Variants in ZNF354C observed in about 807,000 individuals in gnomAD.
The protein encoded by ZNF354C is KRAB-zinc finger protein synten.
A neutral mutation model predicts 12.4 loss-of-function variants in ZNF354C; 7 were observed. That is an observed-to-expected ratio of 0.56 (90% CI 0.32 to 1.06). The LOEUF (loss-of-function observed/expected upper bound fraction) is 1.06, where lower values mean the gene tolerates loss of function less well. Among genes scored for constraint, ZNF354C ranks in the 50% least tolerant of loss-of-function variants. The probability of loss-of-function intolerance (pLI) is 0.04; values close to 1 mark genes in which losing one functional copy is unlikely to be tolerated. For missense variants in ZNF354C, 609 were observed against 658.0 expected (o/e 0.93, Z 0.81); for synonymous variants, 202 against 224.5 (o/e 0.90, Z 0.90).
intron 2 of ZNF354C, among the ~76,000 whole-genome samples, chr5:179,067,764 C>T (rs1484517357): frequency 6.6e-6 from 1 of 152,134 alleles, no homozygotes; most frequent in Non-Finnish European, 1.5e-5. Flanking sequence ...AGGAGAATCG[C>T]TTGAACCTGG....
In ZNF354C at chr5:179,060,583, G is replaced by A. The variant is rs1187102304; in HGVS notation, c.-138G>A. ...TTCTGGGACCAGCCCTACGCGGCTCGGGCCCCTTGGCCACTGGGTCCCGGG... is the reference window on the plus strand; with the variant it reads ...TTCTGGGACCAGCCCTACGCGGCTCAGGCCCCTTGGCCACTGGGTCCCGGG... On this transcript the variant is annotated 5_prime_UTR_variant, in exon 1 of 5. Transcript: ENST00000315475. The surrounding 1 kb of genome is among the most constrained non-coding windows in gnomAD (Gnocchi z 4.2). 6.6e-6 allele frequency: 1 copy of A among 152,188 alleles called. No individual in the cohort carries two copies. Among genetic ancestry groups the A allele is most frequent in the Non-Finnish European group, 1.5e-5 (1 of 68,054 alleles). 9.4% of individuals were successfully genotyped at this position (152,188 alleles called of 1,614,324 possible).
chr5:179,078,338 G>C (rs1245489953), intron 4 of ZNF354C, among the ~76,000 whole-genome samples: 2 of 152,216 alleles, frequency 1.3e-5, no homozygotes, highest in Non-Finnish European at 2.9e-5. Context: ...TGATGACAGA[G>C]TGGAGTATCC....
intron 2 of ZNF354C, among the ~76,000 whole-genome samples, chr5:179,067,805 G>A (rs1225423789): frequency 1.3e-5 from 2 of 152,040 alleles, no homozygotes; most frequent in African/African-American, 4.8e-5. Flanking sequence ...CCAAGATGGC[G>A]CCACTGCACT....
chr5:179,064,415 G>A (rs1761933749), intron 2 of ZNF354C, among the ~76,000 whole-genome samples: 1 of 150,504 alleles, frequency 6.6e-6, no homozygotes, highest in South Asian at 2.1e-4. Flanking sequence ...CGGCCAATAT[G>A]TAACCCCCCT....
In ZNF354C at chr5:179,060,638, G is replaced by A. The variant is rs1761875359; in HGVS notation, c.-83G>A. The A allele has an allele frequency of 6.6e-6, 1 of 152,380 alleles. No homozygotes were observed. The highest frequency in any genetic ancestry group is 2.4e-5 in the African/African-American group (1 of 41,470). 9.4% of individuals were successfully genotyped at this position (152,380 alleles called of 1,614,324 possible). ...CGTCCGCGAGCGGCCTGGACTGCCG[G>A]AGACCCGCGGGAGGGAGCGCCTCGC... On this transcript the variant is annotated 5_prime_UTR_variant, in exon 1 of 5. Transcript: ENST00000315475. This position sits in a 1 kb window ranked among gnomAD's most constrained non-coding sequence, Gnocchi z 4.2.
At chr5:179,073,655 GTTGTTTTTTGTTTTTTGTT>G (rs1183012779) in intron 2 of ZNF354C, among the ~76,000 whole-genome samples, 4 of 152,052 alleles carry the variant, frequency 2.6e-5, no homozygotes, top group Non-Finnish European at 5.9e-5. Flanking sequence ...TTTTGTTGTT[GTTGTTTTTTGTTTTTTGTT>G]TTGTTTTTGT....
chr5:179,074,129 C>T (rs1455627677), intron 2 of ZNF354C, among the ~76,000 whole-genome samples: 11 of 151,550 alleles, frequency 7.3e-5, no homozygotes, highest in African/African-American at 1.9e-4. Flanking sequence ...ACTACAGGCA[C>T]GTGCCACCAT....
In ZNF354C at chr5:179,082,961, T is replaced by C. The variant is rs917562111; in HGVS notation, c.*2864T>C. The C allele has an allele frequency of 1.2e-6, 1 of 827,630 alleles. No homozygotes were observed. The highest frequency in any genetic ancestry group is 1.5e-5 in the South Asian group (1 of 67,640). The allele number at this position is 827,630 out of a possible 1,614,324, so 51.3% of individuals were successfully genotyped here. A position where few individuals can be genotyped will look rare whatever the true frequency, so the allele number is the denominator to read the frequency against. ...GGAGCTCAAGGCCATCCTCAACTTC[T>C]TTCATATGGAAAAAGAGCTTCTTGC... is the stretch of plus-strand genomic sequence containing the variant. On this transcript the variant is annotated 3_prime_UTR_variant, in exon 5 of 5. Transcript: ENST00000315475.
intron 2 of ZNF354C, among the ~76,000 whole-genome samples, chr5:179,069,843 G>C (rs986280773): frequency 4.6e-5 from 7 of 152,216 alleles, no homozygotes; most frequent in African/African-American, 1.7e-4. Context: ...TCCAGCCTGG[G>C]CGACAGAGCA....
At position 179,082,675 on chromosome 5, in the gene ZNF354C, A is replaced by G. The variant is rs1158401600; in HGVS notation, c.*2578A>G. The G allele has an allele frequency of 1.3e-6, 2 of 1,590,716 alleles. No individual in the cohort carries two copies. Among genetic ancestry groups the G allele is most frequent in the Non-Finnish European group, 1.7e-6 (2 of 1,161,576 alleles). ...AATGACGTGCTTTGTGGATGTGGTT[A>G]GTCAATGACACCAGCTTGACGGATC... On this transcript the variant is annotated 3_prime_UTR_variant, in exon 5 of 5. Transcript: ENST00000315475.
rs1370910960 is a variant in ZNF354C at position 179,079,522 on chromosome 5, G to A, written c.1090G>A (p.Gly364Arg). 6.2e-7 allele frequency: 1 copy of A among 1,614,138 alleles called. No homozygotes were observed. Among genetic ancestry groups the A allele is most frequent in the Non-Finnish European group, 8.5e-7 (1 of 1,180,022 alleles). Residue 364 changes from glycine (G) to arginine (R), a missense_variant, in exon 5 of 5, where the codon GGA becomes AGA. By Grantham distance (125) the Gly-to-Arg change is moderately radical. Coordinates refer to ENST00000315475, the MANE Select transcript of ZNF354C (RefSeq NM_014594.3). This position sits in a 1 kb window ranked among gnomAD's most constrained non-coding sequence, Gnocchi z 4.2. ...CTATAAATGTAGTGAGTGTGGGAAG[G>A]GATACAGCCAGTTTACATCTCTAGC... is the stretch of plus-strand genomic sequence containing the variant. The part of the protein sequence containing the change: ...KPYKCSECGK[G>R]YSQFTSLAEH...
rs931688151 is a variant in ZNF354C at position 179,082,532 on chromosome 5, G to A, written c.*2435G>A. The A allele has an allele frequency of 7.5e-6, 5 of 663,768 alleles. No homozygotes were observed. The highest frequency in any genetic ancestry group is 2.5e-5 in the Admixed American group (1 of 40,202). 41.1% of individuals were successfully genotyped at this position (663,768 alleles called of 1,614,324 possible). On this transcript the variant is annotated 3_prime_UTR_variant, in exon 5 of 5. Coordinates refer to ENST00000315475, the MANE Select transcript of ZNF354C (RefSeq NM_014594.3). ...ATTTTTTTAAACATAACACGAGGAAGCTGTTAAAACTGGTGTAATAGCTCA... is the reference window on the plus strand; with the variant it reads ...ATTTTTTTAAACATAACACGAGGAAACTGTTAAAACTGGTGTAATAGCTCA...
intron 2 of ZNF354C, among the ~76,000 whole-genome samples, chr5:179,073,760 A>G (rs947115891): frequency 6.6e-6 from 1 of 152,096 alleles, no homozygotes; most frequent in Non-Finnish European, 1.5e-5. Flanking sequence ...GGTTCAAACA[A>G]TTCTCATGTC....
In ZNF354C at chr5:179,080,748, TCTC is replaced by T. The variant is rs140475218; in HGVS notation, c.*652_*654del. 0.7 allele frequency: 106,146 copies of T among 151,100 alleles called. 37,398 individuals are homozygous for T. The highest frequency in any genetic ancestry group is 0.89 in the East Asian group (4,511 of 5,092). The allele number at this position is 151,100 out of a possible 1,614,324, so 9.4% of individuals were successfully genotyped here. A position where few individuals can be genotyped will look rare whatever the true frequency, so the allele number is the denominator to read the frequency against. Reference sequence around the variant, plus strand: ...CTTAAAATCTTGCCCAAAGGTAGACTCTCTTTCTTTTACTTTCTTCCATTATTT... The same window carrying T: ...CTTAAAATCTTGCCCAAAGGTAGACTTTTCTTTTACTTTCTTCCATTATTT... On this transcript the variant is annotated 3_prime_UTR_variant, in exon 5 of 5. Transcript: ENST00000315475.
chr5:179,065,145 T>G (rs2113107791), intron 2 of ZNF354C, among the ~76,000 whole-genome samples: 1 of 152,310 alleles, frequency 6.6e-6, no homozygotes, highest in Admixed American at 6.5e-5. Flanking sequence ...CAGCTTCCCG[T>G]TATTCCCTAC....
At position 179,076,938 on chromosome 5, in the gene ZNF354C, A is replaced by C. The variant is rs565321797; in HGVS notation, c.155-133A>C. On this transcript the variant is annotated intron_variant, in intron 3 of 4. Coordinates refer to ENST00000315475, the MANE Select transcript of ZNF354C (RefSeq NM_014594.3). ...ATTGACAGCTCCAGTGCCCCTGCGA[A>C]GTGCTTGTGCTGCCTTGTCTGCCTC... The C allele has an allele frequency of 2.3e-5, 18 of 766,290 alleles. 1 individual carries two copies. The South Asian group carries it at 2.6e-4, about 11-fold the overall frequency. 47.5% of individuals were successfully genotyped at this position (766,290 alleles called of 1,614,324 possible). A position where few individuals can be genotyped will look rare whatever the true frequency, so the allele number is the denominator to read the frequency against.
chr5:179,067,489 A>C (rs1453875069), intron 2 of ZNF354C, among the ~76,000 whole-genome samples: 2 of 152,350 alleles, frequency 1.3e-5, no homozygotes, highest in African/African-American at 4.8e-5. Context: ...TGTCAGTGTC[A>C]CATTATACAA....
Position 179,083,149 on chromosome 5 carries a change from T to C in ZNF354C, c.*3052T>C, listed in dbSNP as rs545650599. Reference sequence around the variant, plus strand: ...AAACAAAAAGTGGTCTCTGCTAGATTAAGACAAGAGACATAACCAAATGGA... The same window carrying C: ...AAACAAAAAGTGGTCTCTGCTAGATCAAGACAAGAGACATAACCAAATGGA... On this transcript the variant is annotated 3_prime_UTR_variant, in exon 5 of 5. Coordinates refer to ENST00000315475, the MANE Select transcript of ZNF354C (RefSeq NM_014594.3). 62 of 494,526 alleles carry C rather than the reference T, an allele frequency of 1.3e-4. No individual in the cohort carries two copies. Among genetic ancestry groups the C allele is most frequent in the African/African-American group, 1.2e-3 (60 of 50,864 alleles). The allele number at this position is 494,526 out of a possible 1,614,324, so 30.6% of individuals were successfully genotyped here.
Position 179,080,759 on chromosome 5 carries a change from T to A in ZNF354C, c.*662T>A, listed in dbSNP as rs1416053305. On this transcript the variant is annotated 3_prime_UTR_variant, in exon 5 of 5. Coordinates refer to ENST00000315475, the MANE Select transcript of ZNF354C (RefSeq NM_014594.3). The stretch of plus-strand genomic sequence containing the variant: ...GCCCAAAGGTAGACTCTCTTTCTTT[T>A]ACTTTCTTCCATTATTTCTTAAATT... The A allele has an allele frequency of 1.3e-5, 2 of 152,180 alleles. No homozygotes were observed. Among genetic ancestry groups the A allele is most frequent in the African/African-American group, 4.8e-5 (2 of 41,456 alleles). The allele number at this position is 152,180 out of a possible 1,614,324, so 9.4% of individuals were successfully genotyped here.
Sources: gnomAD v4.1 joint callset for allele counts (sites outside exome capture counted in the v4.1 genomes callset) on GRCh38, gnomAD v4.1.1 for gene constraint, Gnocchi (gnomAD v3.1) non-coding constraint, MANE v1.5 for transcripts, NCBI Gene and HGNC (gene_info 2026-07-23, HGNC 2026-07-21) for gene names.